Variants in TIAM1 observed in about 807,000 individuals in gnomAD.
TIAM1 encodes the protein rho guanine nucleotide exchange factor TIAM1.
Under a neutral mutation model 163.5 loss-of-function variants are expected in TIAM1, and 65 were observed. That is an observed-to-expected ratio of 0.40 (90% CI 0.33 to 0.49). The LOEUF is 0.49. Ranked by LOEUF, TIAM1 falls within the 20% of genes least tolerant of loss-of-function variation. The pLI, the probability that TIAM1 is intolerant of heterozygous loss-of-function variation, is 0.77. For synonymous variants in TIAM1, 833 were observed against 810.1 expected (o/e 1.03, Z -0.48); for missense variants, 1,789 against 2,044.7 (o/e 0.87, Z 2.41).
At chr21:31,463,856 G>C (rs138422973) in intron 2 of TIAM1, 2 of 148,796 alleles carry the variant, frequency 1.3e-5, no homozygotes, top group African/African-American at 4.9e-5. Context: ...ACAAACAGCA[G>C]GCACAGATTT....
intron 2 of TIAM1, among the ~76,000 whole-genome samples, chr21:31,394,728 TCACACACACACACA>T (rs71318270): frequency 2.1e-4 from 20 of 95,726 alleles, no homozygotes; most frequent in South Asian, 1.2e-3. Flanking sequence ...TCTCTCTCTC[TCACACACACACACA>T]CACACACACA....
intron 1 of TIAM1, among the ~76,000 whole-genome samples, chr21:31,499,992 C>T (rs916831688): frequency 6.6e-6 from 1 of 151,944 alleles, no homozygotes; most frequent in Non-Finnish European, 1.5e-5. Context: ...CATGGTGAAA[C>T]CCTGTCTCCA....
chr21:31,184,321 G>A (rs1466443774), intron 14 of TIAM1, among the ~76,000 whole-genome samples: 1 of 152,172 alleles, frequency 6.6e-6, no homozygotes, highest in Admixed American at 6.5e-5. Context: ...AGCCAGGCTG[G>A]TCTGGAACTC....
intron 3 of TIAM1, among the ~76,000 whole-genome samples, chr21:31,274,592 C>G (rs2073205951): frequency 6.6e-6 from 1 of 152,162 alleles, no homozygotes; most frequent in African/African-American, 2.4e-5. Flanking sequence ...GCCTCACCCC[C>G]TAGCTGAAGA....
At chr21:31,188,395 G>A (rs897038839) in intron 13 of TIAM1, among the ~76,000 whole-genome samples, 3 of 152,038 alleles carry the variant, frequency 2.0e-5, no homozygotes, top group Non-Finnish European at 4.4e-5. Flanking sequence ...AACCATTTAA[G>A]TTACATTAGC....
intron 2 of TIAM1, among the ~76,000 whole-genome samples, chr21:31,287,640 A>G (rs1336061622): frequency 6.6e-6 from 1 of 152,198 alleles, no homozygotes; most frequent in Non-Finnish European, 1.5e-5. Context: ...AATTTCCAGT[A>G]AAAGAGAAGG....
chr21:31,219,755 A>C (rs114141139), intron 8 of TIAM1, among the ~76,000 whole-genome samples: 1 of 152,106 alleles, frequency 6.6e-6, no homozygotes, highest in Non-Finnish European at 1.5e-5. Flanking sequence ...AAAACAAAAA[A>C]AAACCCCAGA....
At chr21:31,297,917 G>T (rs1317080886) in intron 2 of TIAM1, among the ~76,000 whole-genome samples, 1 of 152,182 alleles carries the variant, frequency 6.6e-6, no homozygotes, top group Non-Finnish European at 1.5e-5. Flanking sequence ...CCAATTGCCC[G>T]AGTATGACGA....
intron 1 of TIAM1, among the ~76,000 whole-genome samples, chr21:31,522,583 T>A (rs996106336): frequency 3.3e-5 from 5 of 151,828 alleles, no homozygotes; most frequent in African/African-American, 1.2e-4. Flanking sequence ...CTATTAAACA[T>A]AATTGTTTAT....
intron 1 of TIAM1, among the ~76,000 whole-genome samples, chr21:31,341,007 T>C (rs963764920): frequency 9.2e-5 from 14 of 151,980 alleles, no homozygotes; most frequent in African/African-American, 3.4e-4. Flanking sequence ...ATGGGGGAAG[T>C]GGTTTTTGTT....
At chr21:31,353,776 TTA>T (rs1453649283) in intron 2 of TIAM1, among the ~76,000 whole-genome samples, 1 of 151,884 alleles carries the variant, frequency 6.6e-6, no homozygotes, top group African/African-American at 2.4e-5. Context: ...AATCTTGTCA[TTA>T]ACAACCTTGA....
chr21:31,217,070 G>A (rs1200904713), intron 9 of TIAM1, among the ~76,000 whole-genome samples: 1 of 152,112 alleles, frequency 6.6e-6, no homozygotes, highest in Non-Finnish European at 1.5e-5. Flanking sequence ...AGCCAGGCAT[G>A]GTGGTGGGCA....
At chr21:31,214,912 C>T (rs1284918773) in intron 9 of TIAM1, among the ~76,000 whole-genome samples, 2 of 152,008 alleles carry the variant, frequency 1.3e-5, no homozygotes, top group African/African-American at 4.8e-5. Context: ...CAGGCATGAG[C>T]CACCACCCCG....
rs563454311 is a variant in TIAM1, at chr21:31,332,794, CAAA to C, written c.-189+6446_-189+6448del. Among the ~76,000 whole-genome samples, 5 of 130,816 alleles carry C rather than the reference CAAA, an allele frequency of 3.8e-5. No individual in the cohort carries two copies. In the South Asian group the frequency reaches 9.7e-4, roughly 25 times the overall value. 85.8% of individuals were successfully genotyped at this position (130,816 alleles called of 152,430 possible). A position where few individuals can be genotyped will look rare whatever the true frequency, so the allele number is the denominator to read the frequency against. ...ATTAAAATCACCCTCCAATGATCTA[CAAA>C]AAAAAAAAAAGTCTGTTGGTTAGAG... On this transcript the variant is annotated intron_variant, in intron 2 of 27. Coordinates refer to ENST00000541036, the MANE Select transcript of TIAM1 (RefSeq NM_001353694.2).
At position 31,141,923 on chromosome 21, in the gene TIAM1, T is replaced by C. The variant is rs1318691935; in HGVS notation, c.3476-419A>G. Among the ~76,000 whole-genome samples, 1 of 152,126 alleles carries C rather than the reference T, an allele frequency of 6.6e-6. No homozygotes were observed. The highest frequency in any genetic ancestry group is 1.5e-5 in the Non-Finnish European group (1 of 68,018). On this transcript the variant is annotated intron_variant, in intron 20 of 27. Coordinates refer to ENST00000541036, the MANE Select transcript of TIAM1 (RefSeq NM_001353694.2). The surrounding 1 kb of genome is among the most constrained non-coding windows in gnomAD (Gnocchi z 4.7). ...GACTTGCCAGGAAATGTGCCTTTTA[T>C]AGAGTCCCCACACACTGCCACCTCC...
At chr21:31,319,228 T>TA (rs11461290) in intron 2 of TIAM1, among the ~76,000 whole-genome samples, 39,991 of 147,940 alleles carry the variant, frequency 0.27, 6,049 homozygotes, top group East Asian at 0.47. Context: ...GGTGAACTGA[T>TA]AAAAAAAAAA....
chr21:31,498,603 A>T (rs1026016736), intron 1 of TIAM1, among the ~76,000 whole-genome samples: 1 of 152,180 alleles, frequency 6.6e-6, no homozygotes, highest in Non-Finnish European at 1.5e-5. Flanking sequence ...TGATATTTGT[A>T]TTTGAAAAAG....
intron 1 of TIAM1, among the ~76,000 whole-genome samples, chr21:31,341,971 T>C (rs1335896778): frequency 1.3e-5 from 2 of 152,052 alleles, no homozygotes; most frequent in Non-Finnish European, 2.9e-5. Flanking sequence ...AAGGTACAAA[T>C]AACGCCATGA....
chr21:31,222,587 T>C (rs1319234309), intron 8 of TIAM1, among the ~76,000 whole-genome samples: 1 of 146,602 alleles, frequency 6.8e-6, no homozygotes, highest in Admixed American at 7.0e-5. Flanking sequence ...AAAAATAAAG[T>C]GAAATGGAGA....
Sources: gnomAD v4.1 joint callset for allele counts (sites outside exome capture counted in the v4.1 genomes callset) on GRCh38, gnomAD v4.1.1 for gene constraint, Gnocchi (gnomAD v3.1) non-coding constraint, MANE v1.5 for transcripts, NCBI Gene and HGNC (gene_info 2026-07-23, HGNC 2026-07-21) for gene names.